SPAG16: variants seen among roughly 807,000 people sequenced by gnomAD.
SPAG16 encodes sperm-associated antigen 16 protein.
A neutral mutation model predicts 80.4 loss-of-function variants in SPAG16; 86 were observed. The ratio of observed to expected loss-of-function variants is 1.07; its 90% confidence interval spans 0.90 to 1.28. SPAG16 has a LOEUF of 1.28. SPAG16 is among the 50% of genes most tolerant of loss of function. SPAG16 has a pLI of 0.00. For missense variants in SPAG16, 870 were observed against 765.3 expected, an observed-to-expected ratio of 1.14 and a Z score of -1.61; for synonymous variants, 294 against 265.9, an observed-to-expected ratio of 1.11 and a Z score of -1.03.
At chr2:213,906,112 T>A (rs184641515) in intron 11 of SPAG16, among the ~76,000 whole-genome samples, 1 of 152,190 alleles carries the variant, frequency 6.6e-6, no homozygotes, top group Admixed American at 6.5e-5. Flanking sequence ...AGACCTTTAT[T>A]TTTAACCTTC....
chr2:214,004,753 G>T (rs1370222895), intron 12 of SPAG16, among the ~76,000 whole-genome samples: 4 of 152,006 alleles, frequency 2.6e-5, no homozygotes, highest in Non-Finnish European at 5.9e-5. Context: ...GCTTATTCAA[G>T]TCTTTTCATA....
At chr2:213,576,260 C>T (rs2060120783) in intron 10 of SPAG16, among the ~76,000 whole-genome samples, 3 of 152,128 alleles carry the variant, frequency 2.0e-5, no homozygotes, top group African/African-American at 7.2e-5. Context: ...TCTGGGTTCT[C>T]TATTCTGTTC....
At chr2:213,888,283 AT>A (rs1391231106) in intron 11 of SPAG16, among the ~76,000 whole-genome samples, 1 of 151,810 alleles carries the variant, frequency 6.6e-6, no homozygotes, top group Admixed American at 6.6e-5. Flanking sequence ...TATAAGTTAT[AT>A]TTTCTGACAA....
Position 213,485,495 on chromosome 2 carries a change from T to C in SPAG16, c.943-4468T>C, listed in dbSNP as rs369803863. On this transcript the variant is annotated intron_variant, in intron 9 of 15. Transcript: ENST00000331683. ...TATCTCCTCTTTTCCAATAGTTTTA[T>C]TGCTTCTTTATTTGCTTATTATCTT... is the stretch of plus-strand genomic sequence containing the variant. 9.9e-5 allele frequency among the ~76,000 whole-genome samples: 15 copies of C among 152,270 alleles called. 1 individual carries two copies. The highest frequency in any genetic ancestry group is 7.7e-4 in the East Asian group (4 of 5,188).
At chr2:213,780,160 TG>T (rs1189553291) in intron 10 of SPAG16, among the ~76,000 whole-genome samples, 1 of 152,212 alleles carries the variant, frequency 6.6e-6, no homozygotes, top group Non-Finnish European at 1.5e-5. Flanking sequence ...CAGCCAGCTC[TG>T]GGGTCTGGCC....
intron 15 of SPAG16, among the ~76,000 whole-genome samples, chr2:214,390,340 T>TAAAA (rs1559265384): frequency 7.7e-5 from 10 of 129,738 alleles, no homozygotes; most frequent in African/African-American, 3.2e-4. Flanking sequence ...GCTTTTTTTT[T>TAAAA]TAAAAAAAAA....
At chr2:214,146,125 A>T (rs2055625842) in intron 14 of SPAG16, among the ~76,000 whole-genome samples, 1 of 152,148 alleles carries the variant, frequency 6.6e-6, no homozygotes, top group African/African-American at 2.4e-5. Flanking sequence ...TCTTTGAAAT[A>T]TTTCTTAATT....
At chr2:213,301,967 A>T (rs1169742722) in intron 3 of SPAG16, among the ~76,000 whole-genome samples, 1 of 152,140 alleles carries the variant, frequency 6.6e-6, no homozygotes, top group Admixed American at 6.5e-5. Flanking sequence ...GCCTTCATTC[A>T]CATATCTAAG....
intron 10 of SPAG16, among the ~76,000 whole-genome samples, chr2:213,737,849 GTTATTT>G (rs985845643): frequency 6.6e-6 from 1 of 152,076 alleles, no homozygotes; most frequent in Non-Finnish European, 1.5e-5. Flanking sequence ...AGGTTGAGAA[GTTATTT>G]TCGATTTTTG....
intron 13 of SPAG16, among the ~76,000 whole-genome samples, chr2:214,089,377 C>G (rs1057230561): frequency 1.7e-4 from 26 of 151,994 alleles, no homozygotes; most frequent in African/African-American, 6.3e-4. Context: ...AGCTAGTAAC[C>G]CATCTTCTGA....
chr2:213,889,668 TAC>T (rs2076706205), intron 11 of SPAG16, among the ~76,000 whole-genome samples: 2 of 148,708 alleles, frequency 1.3e-5, no homozygotes, highest in South Asian at 2.1e-4. Flanking sequence ...TATACATATA[TAC>T]ACACATATAT....
At chr2:213,331,770 T>A (rs1265165244) in intron 5 of SPAG16, among the ~76,000 whole-genome samples, 1 of 152,162 alleles carries the variant, frequency 6.6e-6, no homozygotes, top group East Asian at 1.9e-4. Flanking sequence ...AACAGTATGC[T>A]CCTGAATGAC....
At chr2:213,666,554 T>G (rs2063610684) in intron 10 of SPAG16, among the ~76,000 whole-genome samples, 1 of 152,214 alleles carries the variant, frequency 6.6e-6, no homozygotes. Context: ...TACTTTCATT[T>G]TTCATTTACT....
intron 14 of SPAG16, among the ~76,000 whole-genome samples, chr2:214,127,017 T>TC (rs1330757913): frequency 6.6e-6 from 1 of 151,838 alleles, no homozygotes; most frequent in Non-Finnish European, 1.5e-5. Context: ...AAATATTTTT[T>TC]CCCACAAGGG....
intron 9 of SPAG16, among the ~76,000 whole-genome samples, chr2:213,444,169 A>G (rs1467379769): frequency 6.6e-6 from 1 of 152,154 alleles, no homozygotes; most frequent in Non-Finnish European, 1.5e-5. Flanking sequence ...TAAGGGCTCA[A>G]CTCTGTGGGA....
chr2:213,424,972 G>A (rs758028834), intron 9 of SPAG16, among the ~76,000 whole-genome samples: 29 of 152,166 alleles, frequency 1.9e-4, no homozygotes, highest in Non-Finnish European at 3.4e-4. Flanking sequence ...TGTCAGGAGT[G>A]TGTCTAGTGT....
chr2:214,369,801 T>C (rs1699698729), intron 15 of SPAG16, among the ~76,000 whole-genome samples: 1 of 152,148 alleles, frequency 6.6e-6, no homozygotes, highest in African/African-American at 2.4e-5. Flanking sequence ...CTATCACTAA[T>C]ATTGATTTTA....
intron 10 of SPAG16, among the ~76,000 whole-genome samples, chr2:213,585,281 AT>A (rs71063761): frequency 4.1e-5 from 6 of 144,780 alleles, no homozygotes; most frequent in African/African-American, 7.6e-5. Context: ...ATGATGAAAG[AT>A]TTTTTTTTTT....
At chr2:214,198,238 A>G (rs538992841) in intron 15 of SPAG16, among the ~76,000 whole-genome samples, 18 of 151,750 alleles carry the variant, frequency 1.2e-4, no homozygotes, top group African/African-American at 4.1e-4. Context: ...TTTATCCCTC[A>G]CCTCTCTCCT....
Sources: gnomAD v4.1 joint callset for allele counts (sites outside exome capture counted in the v4.1 genomes callset) on GRCh38, gnomAD v4.1.1 for gene constraint, MANE v1.5 for transcripts, NCBI Gene and HGNC (gene_info 2026-07-23, HGNC 2026-07-21) for gene names.